The following TPRG1 variants were observed in gnomAD, a reference collection of about 807,000 sequenced individuals.
The protein encoded by TPRG1 is tumor protein p63 regulated 1, also known as tumor protein p63-regulated gene 1 protein.
In TPRG1, 29 loss-of-function variants were observed where a neutral mutation model predicts 29.3. The observed-to-expected ratio is 0.99, with a 90% CI of 0.74 to 1.35. TPRG1 has a LOEUF of 1.35. Ranked by LOEUF, TPRG1 falls within the 40% of genes most tolerant of loss-of-function variation. TPRG1 has a pLI of 0.00. For missense variants in TPRG1, 327 were observed against 335.0 expected (o/e 0.98, Z 0.19); for synonymous variants, 130 against 116.8 (o/e 1.11, Z -0.73).
rs187941621 is a variant in TPRG1, at chr3:189,200,447, C to A, written c.-9-6929C>A. 5.4e-4 allele frequency among the ~76,000 whole-genome samples: 82 copies of A among 152,270 alleles called. 1 individual carries two copies. Among genetic ancestry groups the A allele is most frequent in the Middle Eastern group, 3.4e-3 (1 of 294 alleles). The stretch of plus-strand genomic sequence containing the variant: ...AATTACCTTCACAAAATGTCAAAAT[C>A]AAAAGTAGATTTTTATTTTGGGTAT... On this transcript the variant is annotated intron_variant, in intron 1 of 5. Coordinates refer to ENST00000345063, the MANE Select transcript of TPRG1 (RefSeq NM_198485.4).
upstream of TPRG1, among the ~76,000 whole-genome samples, chr3:189,167,328 C>T (rs547552953): frequency 2.3e-3 from 348 of 152,314 alleles, 3 homozygotes; most frequent in African/African-American, 7.7e-3. Flanking sequence ...TCACATTCTC[C>T]CGCCTTGTCT....
chr3:189,079,187 T>C (rs908240187), intron 4 of TPRG1, among the ~76,000 whole-genome samples: 2 of 152,050 alleles, frequency 1.3e-5, no homozygotes, highest in Admixed American at 1.3e-4. Flanking sequence ...CTAGATCTCA[T>C]TGGAACTAAT....
rs115445818 is a variant in TPRG1, at chr3:189,162,297, A to G, written c.-10+11425A>G. ...CATGAGCCATCGCACCCAGCCGAAG[A>G]AGGACCATTCTAAGAAAAGCAGGGG... is the stretch of plus-strand genomic sequence containing the variant. On this transcript the variant is annotated intron_variant, in intron 5 of 6. Coordinates refer to the TPRG1 transcript ENST00000412373. Among the ~76,000 whole-genome samples the G allele has an allele frequency of 3.5e-3, 528 of 152,266 alleles. 2 individuals are homozygous for G. The highest frequency in any genetic ancestry group is 0.012 in the African/African-American group (513 of 41,538).
In TPRG1 at chr3:189,238,745, G is replaced by A; in HGVS notation, c.315G>A (p.Trp105Ter). 6.2e-7 allele frequency: 1 copy of A among 1,611,606 alleles called. No homozygotes were observed. The highest frequency in any genetic ancestry group is 8.5e-7 in the Non-Finnish European group (1 of 1,178,606). ...GFWLLTKIDH[W>*]NNEKERILLV... ...ATGATTCCTATAGGATAGACCACTG[G>A]AACAATGAGAAGGAGAGAATTCTAC... Residue 105 changes from tryptophan (W) to a stop codon, truncating the protein, a stop_gained, in exon 4 of 6, where the codon TGG (tryptophan) becomes TGA (stop). Coordinates refer to ENST00000345063, the MANE Select transcript of TPRG1 (RefSeq NM_198485.4). LOFTEE classifies it high-confidence loss of function.
chr3:189,118,186 G>T (rs762308913), intron 1 of TPRG1, among the ~76,000 whole-genome samples: 1 of 152,198 alleles, frequency 6.6e-6, no homozygotes, highest in African/African-American at 2.4e-5. Flanking sequence ...AGATGGAGAT[G>T]AGGAACTTGT....
At chr3:189,159,840 A>ATGTGTGTG (rs57781182) in intron 5 of TPRG1, among the ~76,000 whole-genome samples, 1 of 138,486 alleles carries the variant, frequency 7.2e-6, no homozygotes, top group Non-Finnish European at 1.6e-5. Flanking sequence ...GTGTTTGTGT[A>ATGTGTGTG]TGTGTGTGTG....
At chr3:189,228,340 T>G (rs1307277753) in intron 3 of TPRG1, among the ~76,000 whole-genome samples, 3 of 151,532 alleles carry the variant, frequency 2.0e-5, no homozygotes, top group African/African-American at 4.9e-5. Context: ...TAGATCAGTA[T>G]TCCTCATAAC....
intron 1 of TPRG1, among the ~76,000 whole-genome samples, chr3:189,103,365 C>G (rs1719427950): frequency 6.6e-6 from 1 of 152,116 alleles, no homozygotes; most frequent in Non-Finnish European, 1.5e-5. Context: ...CTGTGCATCA[C>G]TATTACAAAA....
At chr3:189,177,807 T>G (rs1729692161) in intron 1 of TPRG1, among the ~76,000 whole-genome samples, 1 of 152,190 alleles carries the variant, frequency 6.6e-6, no homozygotes, top group Non-Finnish European at 1.5e-5. Context: ...TTACATTTTC[T>G]GTAGACAATG....
chr3:189,030,603 G>A (rs1713879506), intron 4 of TPRG1, among the ~76,000 whole-genome samples: 1 of 152,154 alleles, frequency 6.6e-6, no homozygotes, highest in Admixed American at 6.5e-5. Context: ...TCCCTACCTT[G>A]GGGAGTGTAC....
At chr3:189,140,769 A>G (rs1724438370) in intron 3 of TPRG1, among the ~76,000 whole-genome samples, 1 of 152,190 alleles carries the variant, frequency 6.6e-6, no homozygotes, top group African/African-American at 2.4e-5. Flanking sequence ...GCACTCTGTA[A>G]GTATTCTGCA....
intron 4 of TPRG1, among the ~76,000 whole-genome samples, chr3:189,302,815 A>C (rs1037549401): frequency 6.6e-6 from 1 of 152,170 alleles, no homozygotes; most frequent in African/African-American, 2.4e-5. Context: ...GAAAGAGGGT[A>C]TTTTTATCAT....
chr3:189,173,779 T>A (rs1729138132), intron 1 of TPRG1, among the ~76,000 whole-genome samples: 1 of 152,096 alleles, frequency 6.6e-6, no homozygotes, highest in African/African-American at 2.4e-5. Context: ...AGCAGAAGCA[T>A]TAGCCATGTC....
At chr3:189,280,446 T>C (rs1716932798) in intron 4 of TPRG1, among the ~76,000 whole-genome samples, 1 of 152,184 alleles carries the variant, frequency 6.6e-6, no homozygotes, top group Admixed American at 6.5e-5. Flanking sequence ...TCATATAACA[T>C]GTGTATTAAT....
chr3:189,212,637 G>T (rs985972757), intron 2 of TPRG1, among the ~76,000 whole-genome samples: 1 of 151,976 alleles, frequency 6.6e-6, no homozygotes. Flanking sequence ...TCATTTTCAG[G>T]TAAAGACAAA....
At position 189,017,916 on chromosome 3, in the gene TPRG1, G is replaced by A. The variant is rs1335368991; in HGVS notation, c.-659-5834G>A. Reference sequence around the variant, plus strand: ...GTTGTTTCCTGACTTTTTAATGATCGCCATTCTAACTGGTGTGAGATGGTA... The same window carrying A: ...GTTGTTTCCTGACTTTTTAATGATCACCATTCTAACTGGTGTGAGATGGTA... On this transcript the variant is annotated intron_variant, in intron 3 of 10. Transcript: ENST00000433971. Among the ~76,000 whole-genome samples the A allele has an allele frequency of 4.0e-4, 60 of 151,160 alleles. 3 individuals carry two copies. The highest frequency in any genetic ancestry group is 8.0e-4 in the African/African-American group (33 of 41,312).
intron 4 of TPRG1, among the ~76,000 whole-genome samples, chr3:189,085,532 G>A (rs1016505708): frequency 3.3e-5 from 5 of 152,036 alleles, no homozygotes. Flanking sequence ...TTCCCTAACA[G>A]GAGATAGCTG....
chr3:189,030,272 G>T (rs2152129172), intron 4 of TPRG1, among the ~76,000 whole-genome samples: 1 of 152,260 alleles, frequency 6.6e-6, no homozygotes, highest in African/African-American at 2.4e-5. Context: ...TGGCATTTCA[G>T]AGTAGGTTTG....
intron 1 of TPRG1, among the ~76,000 whole-genome samples, chr3:189,192,877 G>T (rs1191272137): frequency 1.3e-5 from 2 of 152,080 alleles, no homozygotes; most frequent in African/African-American, 4.8e-5. Context: ...TAGTGGTGAT[G>T]AACTCCCCCA....
Sources: allele counts gnomAD v4.1 joint callset (sites outside exome capture counted in the v4.1 genomes callset), GRCh38; gene constraint gnomAD v4.1.1; transcripts MANE v1.5; gene names NCBI Gene and HGNC (gene_info 2026-07-23, HGNC 2026-07-21).